ASB11: variants seen among roughly 807,000 people sequenced by gnomAD.
ASB11 encodes ankyrin repeat and SOCS box protein 11.
ASB11 carries 17 observed loss-of-function variants against 20.1 expected under a neutral mutation model. The ratio of observed to expected loss-of-function variants is 0.85; its 90% CI spans 0.58 to 1.27. ASB11 has a LOEUF of 1.27. Among genes scored for constraint, ASB11 ranks in the 50% most tolerant of loss-of-function variants. ASB11 has a pLI of 0.00. For synonymous variants in ASB11, 107 were observed against 105.6 expected (o/e 1.01, Z -0.08); for missense variants, 259 against 256.9 (o/e 1.01, Z -0.06).
chrX:15,303,830 A>G (rs1235267033), intron 1 of ASB11, among the ~76,000 whole-genome samples: 1 of 112,487 alleles, frequency 8.9e-6, no homozygotes, highest in Non-Finnish European at 1.9e-5. Flanking sequence ...CGGACATTGT[A>G]TGATTAATAA....
rs1301827284 is a variant in ASB11 at position 15,283,214 on chromosome X, G to A, written c.*291C>T. ...TGACTTTTAGGTACAAGAAGATCCC[G>A]AATCATCAAAAAACAGCCTATTGTT... On this transcript the variant is annotated 3_prime_UTR_variant, in exon 7 of 7. Coordinates refer to ENST00000480796, the MANE Select transcript of ASB11 (RefSeq NM_080873.3). The A allele has an allele frequency of 3.0e-5, 6 of 198,813 alleles. No individual in the cohort carries two copies. Among genetic ancestry groups the A allele is most frequent in the South Asian group, 1.7e-4 (1 of 6,001 alleles). 16.4% of individuals were successfully genotyped at this position (198,813 alleles called of 1,213,427 possible).
chrX:15,300,953 T>A (rs1921044809), intron 2 of ASB11, among the ~76,000 whole-genome samples: 1 of 111,594 alleles, frequency 9.0e-6, no homozygotes, highest in Non-Finnish European at 1.9e-5. Context: ...TGCACCTTTT[T>A]AATTTTATTT....
At position 15,283,372 on chromosome X, in the gene ASB11, T is replaced by C. The variant is rs1927243316; in HGVS notation, c.*133A>G. The C allele has an allele frequency of 1.1e-6, 1 of 890,193 alleles. No homozygotes were observed. The highest frequency in any genetic ancestry group is 1.6e-6 in the Non-Finnish European group (1 of 626,818). 73.4% of individuals were successfully genotyped at this position (890,193 alleles called of 1,213,427 possible). On this transcript the variant is annotated 3_prime_UTR_variant, in exon 7 of 7. Transcript: ENST00000480796. ...TCCACTCCTCAAGTGTTCTAGCTCATGGGGGATTTACTTCGACTGAGCTCA... is the reference window on the plus strand; with the variant it reads ...TCCACTCCTCAAGTGTTCTAGCTCACGGGGGATTTACTTCGACTGAGCTCA...
chrX:15,284,069 G>A (rs1243612961), intron 6 of ASB11, among the ~76,000 whole-genome samples: 54 of 106,366 alleles, frequency 5.1e-4, no homozygotes, highest in African/African-American at 1.4e-3. Context: ...TGGCTAACAC[G>A]GTGAAACCCC....
At chrX:15,313,494 T>C (rs201981973) in intron 1 of ASB11, among the ~76,000 whole-genome samples, 1 of 104,277 alleles carries the variant, frequency 9.6e-6, no homozygotes, top group African/African-American at 3.4e-5. Context: ...CACACACACA[T>C]ATACATATAT....
intron 1 of ASB11, among the ~76,000 whole-genome samples, chrX:15,303,381 C>T (rs1032165794): frequency 2.7e-5 from 3 of 111,761 alleles, no homozygotes; most frequent in African/African-American, 6.5e-5. Flanking sequence ...GTAAGTTTTA[C>T]GAAAATTTAT....
rs190500317 is a variant in ASB11, at chrX:15,297,866, C to A, written c.262-185G>T. On this transcript the variant is annotated intron_variant, in intron 2 of 6. Transcript: ENST00000480796. ...GAGTGAAATACTGCATTAGTGATAG[C>A]AATGAAAGCAATGTTGTTTCACATG... Among the ~76,000 whole-genome samples, 5 of 112,152 alleles carry A rather than the reference C, an allele frequency of 4.5e-5. No homozygotes were observed. The East Asian group carries it at 1.4e-3, about 31-fold the overall frequency.
At chrX:15,299,638 C>T (rs1231888574) in intron 2 of ASB11, among the ~76,000 whole-genome samples, 1 of 111,254 alleles carries the variant, frequency 9.0e-6, no homozygotes, top group East Asian at 2.8e-4. Context: ...TGTTCAACCC[C>T]CCTTTCCTGT....
At chrX:15,295,022 G>A (rs1483728589) in intron 3 of ASB11, among the ~76,000 whole-genome samples, 2 of 111,768 alleles carry the variant, frequency 1.8e-5, no homozygotes, top group African/African-American at 6.5e-5. Context: ...CATTAGGGAA[G>A]ACAAATACAA....
At chrX:15,306,240 T>C (rs993620749) in intron 1 of ASB11, among the ~76,000 whole-genome samples, 8 of 112,606 alleles carry the variant, frequency 7.1e-5, no homozygotes, top group Non-Finnish European at 1.1e-4. Flanking sequence ...CATATGCACG[T>C]ATGTGTCCTT....
At chrX:15,298,558 T>C (rs1920990693) in intron 2 of ASB11, among the ~76,000 whole-genome samples, 1 of 111,277 alleles carries the variant, frequency 9.0e-6, no homozygotes, top group African/African-American at 3.3e-5. Context: ...GGTCTGGAGC[T>C]AATAGATTAG....
Position 15,283,603 on chromosome X carries a change from G to A in ASB11, c.874C>T (p.Arg292Cys), listed in dbSNP as rs773872197. Residue 292 changes from arginine to cysteine, a missense_variant, in exon 7 of 7, where the codon CGC becomes TGC. Coordinates refer to ENST00000480796, the MANE Select transcript of ASB11 (RefSeq NM_080873.3). ...CCGAGACACTTCCGGACACACAGGC[G>A]GCAGAGCTGGGAAAGAGCAGGTGGG... ...EGPPALSQLC[R>C]LCVRKCLGRA... 29 of 1,207,610 alleles carry A rather than the reference G, an allele frequency of 2.4e-5. No individual in the cohort carries two copies. Among genetic ancestry groups the A allele is most frequent in the Admixed American group, 1.8e-4 (8 of 45,534 alleles).
intron 3 of ASB11, among the ~76,000 whole-genome samples, chrX:15,293,866 T>G (rs1036229398): frequency 1.3e-5 from 1 of 76,785 alleles, no homozygotes; most frequent in Non-Finnish European, 2.3e-5. Context: ...AAGGGGAACA[T>G]CACACACCGG....
chrX:15,304,178 C>T (rs751473325), intron 1 of ASB11, among the ~76,000 whole-genome samples: 6 of 112,404 alleles, frequency 5.3e-5, no homozygotes, highest in Non-Finnish European at 9.4e-5. Flanking sequence ...CTTGGTGAAA[C>T]GAAAATCCCA....
rs949894195 is a variant in ASB11 at position 15,289,545 on chromosome X, G to A, written c.614C>T (p.Thr205Ile). The A allele has an allele frequency of 3.3e-6, 4 of 1,209,369 alleles. No homozygotes were observed. Among genetic ancestry groups the A allele is most frequent in the Non-Finnish European group, 4.5e-6 (4 of 893,588 alleles). The change falls in exon 5 of 7, where the codon ACC becomes ATC. Residue 205 changes from threonine to isoleucine, a missense_variant. Coordinates refer to ENST00000480796, the MANE Select transcript of ASB11 (RefSeq NM_080873.3). ...QLGTPLYVAC[T>I]YQRVDCVKKL... The stretch of plus-strand genomic sequence containing the variant: ...CTTCACACAGTCTACCCTCTGGTAG[G>A]TGCAGGCCACATATAGGGGAGTTCC...
intron 1 of ASB11, among the ~76,000 whole-genome samples, chrX:15,303,803 C>T (rs183142940): frequency 1.1e-4 from 12 of 112,143 alleles, no homozygotes; most frequent in Admixed American, 4.7e-4. Context: ...CAAATACAAC[C>T]GCGATGTTAA....
Position 15,283,509 on chromosome X carries a change from T to C in ASB11, c.968A>G (p.Gln323Arg), listed in dbSNP as rs141277897. Reference sequence around the variant, plus strand: ...TCTTCCCAGGAACACTTAGGACTATTGGTATAGGAGGAATCGTTCGAGTGG... The same window carrying C: ...TCTTCCCAGGAACACTTAGGACTATCGGTATAGGAGGAATCGTTCGAGTGG... ...PEPLERFLLYQ is the reference protein window; with the variant it reads ...PEPLERFLLYR Residue 323 changes from glutamine (Q) to arginine (R), a missense_variant, in exon 7 of 7, where the codon CAA becomes CGA. Transcript: ENST00000480796. 5.8e-6 allele frequency: 7 copies of C among 1,208,770 alleles called. No homozygotes were observed. Among genetic ancestry groups the C allele is most frequent in the Middle Eastern group, 2.3e-4 (1 of 4,371 alleles).
At chrX:15,286,663 C>CAAAAAAAAAAAAAAAAAAAA (rs764801887) in intron 6 of ASB11, among the ~76,000 whole-genome samples, 7 of 54,377 alleles carry the variant, frequency 1.3e-4, no homozygotes, top group African/African-American at 4.6e-4. Flanking sequence ...GACTCCATCT[C>CAAAAAAAAAAAAAAAAAAAA]AAAAAAAAAA....
intron 1 of ASB11, chrX:15,314,329 CTTTTTTT>C (rs201659261): frequency 3.1e-6 from 3 of 962,541 alleles, no homozygotes; most frequent in Non-Finnish European, 4.0e-6. Context: ...AGAAGCATTA[CTTTTTTT>C]TTTTTTTTTT....
Sources: allele counts gnomAD v4.1 joint callset (sites outside exome capture counted in the v4.1 genomes callset), GRCh38; gene constraint gnomAD v4.1.1; transcripts MANE v1.5; gene names NCBI Gene and HGNC (gene_info 2026-07-23, HGNC 2026-07-21).